Variants in TNS1 observed in about 807,000 individuals in gnomAD.
TNS1 encodes tensin 1.
TNS1 carries 62 observed loss-of-function variants against 168.6 expected under a neutral mutation model. The ratio of observed to expected loss-of-function variants is 0.37; its 90% CI spans 0.30 to 0.45. The LOEUF (loss-of-function observed/expected upper bound fraction) is 0.45. Ranked by LOEUF, TNS1 falls within the 20% of genes least tolerant of loss-of-function variation. The pLI is 1.00. For missense variants in TNS1, 2,240 were observed against 2,339.4 expected, an observed-to-expected ratio of 0.96 and a Z score of 0.88; for synonymous variants, 934 against 933.2, an observed-to-expected ratio of 1.00 and a Z score of -0.02.
intron 7 of TNS1, among the ~76,000 whole-genome samples, chr2:217,900,212 G>A (rs1254962139): frequency 6.6e-6 from 1 of 152,202 alleles, no homozygotes; most frequent in African/African-American, 2.4e-5. Context: ...TTGCGGGGTT[G>A]TTGCAAGGAC....
intron 3 of TNS1, among the ~76,000 whole-genome samples, chr2:217,970,864 G>T (rs1315261064): frequency 6.6e-6 from 1 of 151,954 alleles, no homozygotes; most frequent in Non-Finnish European, 1.5e-5. Context: ...CTTTAAATGG[G>T]CGTATTGTGT....
intron 32 of TNS1, among the ~76,000 whole-genome samples, chr2:217,805,616 C>T: frequency 7.0e-5 from 1 of 14,278 alleles, no homozygotes; most frequent in Non-Finnish European, 1.3e-4. Context: ...ACACACCACA[C>T]ACATACACAC....
intron 6 of TNS1, among the ~76,000 whole-genome samples, chr2:217,904,245 C>T (rs993947293): frequency 6.6e-6 from 1 of 152,244 alleles, no homozygotes; most frequent in East Asian, 1.9e-4. Context: ...TATCCACAAA[C>T]TCCACTACAC....
chr2:217,901,194 G>A (rs1004619440), intron 6 of TNS1, among the ~76,000 whole-genome samples: 3 of 152,140 alleles, frequency 2.0e-5, no homozygotes, highest in African/African-American at 4.8e-5. Flanking sequence ...ATGGCATGGC[G>A]GGTGTGAAAG....
In TNS1 at chr2:217,817,733, G is replaced by C. The variant is rs1481141873; in HGVS notation, c.4599C>G (p.Ser1533=). The change falls in exon 24 of 33, where the codon TCC becomes TCG. Residue 1533 remains serine (S), a synonymous_variant. Transcript: ENST00000682258. Reference sequence around the variant, plus strand: ...AGAAGTCGGGCAGAGTGTGGGAGAAGGAGACGGTGCTGCCCCCACTGGGAC... The same window carrying C: ...AGAAGTCGGGCAGAGTGTGGGAGAACGAGACGGTGCTGCCCCCACTGGGAC... ...MSSPSGGSTV[S]FSHTLPDFSK... 1 of 1,608,668 alleles carries C rather than the reference G, an allele frequency of 6.2e-7. No individual in the cohort carries two copies. The highest frequency in any genetic ancestry group is 8.5e-7 in the Non-Finnish European group (1 of 1,175,710).
Position 217,813,938 on chromosome 2 carries a change from G to T in TNS1, c.4730-122C>A. The T allele has an allele frequency of 1.6e-6, 2 of 1,276,672 alleles. No individual in the cohort carries two copies. Among genetic ancestry groups the T allele is most frequent in the Non-Finnish European group, 2.1e-6 (2 of 973,246 alleles). 79.1% of individuals were successfully genotyped at this position (1,276,672 alleles called of 1,614,324 possible). A position where few individuals can be genotyped will look rare whatever the true frequency, so the allele number is the denominator to read the frequency against. On this transcript the variant is annotated intron_variant, in intron 25 of 32. Transcript: ENST00000682258. The surrounding 1 kb of genome is among the most constrained non-coding windows in gnomAD (Gnocchi z 4.0). ...TTAGGTGAGACAAATTTTCTTTAAA[G>T]TTAAAATTTAACTACTCCTACGGGT...
At chr2:217,903,737 G>T in intron 6 of TNS1, 1 of 808,786 alleles carries the variant, frequency 1.2e-6, no homozygotes, top group Non-Finnish European at 2.0e-6. Flanking sequence ...TCCTGCTGCA[G>T]ATTCAGCCAA....
At chr2:217,884,975 A>T in intron 16 of TNS1, 60 bp downstream of exon 16, 1 of 1,606,796 alleles carries the variant, frequency 6.2e-7, no homozygotes, top group South Asian at 1.1e-5. Flanking sequence ...TATCGTCTCA[A>T]ACTGAGCTCC....
chr2:218,013,356 G>C (rs1190755627), upstream of TNS1, among the ~76,000 whole-genome samples: 1 of 152,112 alleles, frequency 6.6e-6, no homozygotes, highest in Non-Finnish European at 1.5e-5. Flanking sequence ...CCCCACAGTG[G>C]ACCAGACACA....
At chr2:217,866,709 G>T (rs1332847533) in intron 18 of TNS1, among the ~76,000 whole-genome samples, 1 of 152,268 alleles carries the variant, frequency 6.6e-6, no homozygotes, top group East Asian at 1.9e-4. Flanking sequence ...CTCCACTGGG[G>T]CTGGCAGAGG....
chr2:217,885,597 G>A lies in TNS1; in HGVS notation c.1116+147C>T, dbSNP rs2125674304. The A allele has an allele frequency of 8.1e-6, 6 of 741,786 alleles. No individual in the cohort carries two copies. In the South Asian group the frequency reaches 8.8e-5, roughly 11 times the overall value. The allele number at this position is 741,786 out of a possible 1,614,324, so 46.0% of individuals were successfully genotyped here. ...GACACAGACTGTGTGAGACTGGAAG[G>A]TCTTCCAAGAGCCCTGAGAGCCTAT... On this transcript the variant is annotated intron_variant, in intron 15 of 32. Coordinates refer to ENST00000682258, the MANE Select transcript of TNS1 (RefSeq NM_001387777.1).
chr2:218,021,799 C>G (rs1480214897), intron 1 of TNS1, among the ~76,000 whole-genome samples: 1 of 152,180 alleles, frequency 6.6e-6, no homozygotes, highest in Non-Finnish European at 1.5e-5. Flanking sequence ...CTGTCTCTGC[C>G]CCAGACTGCC....
chr2:217,945,774 C>A (rs1046632300), intron 3 of TNS1, among the ~76,000 whole-genome samples: 1 of 152,154 alleles, frequency 6.6e-6, no homozygotes, highest in African/African-American at 2.4e-5. Flanking sequence ...GCAAAGGTGA[C>A]CCCAACAACA....
chr2:217,957,377 C>T (rs985015394), intron 3 of TNS1, among the ~76,000 whole-genome samples: 5 of 152,208 alleles, frequency 3.3e-5, no homozygotes, highest in African/African-American at 1.2e-4. Flanking sequence ...CCAGAGCCCC[C>T]TCTCCTTCCT....
chr2:217,864,711 A>G (rs897997055), intron 18 of TNS1, among the ~76,000 whole-genome samples: 3 of 152,238 alleles, frequency 2.0e-5, no homozygotes, highest in Admixed American at 6.5e-5. Context: ...AGCTCAAAGC[A>G]TTTCTGGAAA....
intron 3 of TNS1, among the ~76,000 whole-genome samples, chr2:217,951,186 T>G (rs1957231543): frequency 6.6e-6 from 1 of 152,196 alleles, no homozygotes; most frequent in South Asian, 2.1e-4. Context: ...CATCTGAAGC[T>G]GTGTAACCTC....
chr2:217,877,681 G>A (rs570751102), intron 18 of TNS1, among the ~76,000 whole-genome samples: 1 of 152,344 alleles, frequency 6.6e-6, no homozygotes, highest in East Asian at 1.9e-4. Context: ...GGGTTGGGGG[G>A]CTGCAGGCAG....
At chr2:217,888,214 C>G (rs1395120299) in intron 12 of TNS1, among the ~76,000 whole-genome samples, 1 of 152,166 alleles carries the variant, frequency 6.6e-6, no homozygotes, top group Non-Finnish European at 1.5e-5. Context: ...TGTCTGTGTT[C>G]GAGGGACAAT....
intron 18 of TNS1, 49 bp from the exon 19 acceptor site, chr2:217,849,136 G>C: frequency 6.4e-7 from 1 of 1,563,006 alleles, no homozygotes; most frequent in Non-Finnish European, 8.7e-7. Flanking sequence ...AGACATTAGC[G>C]GGAGGCAGGG....
Sources: gnomAD v4.1 joint callset for allele counts (sites outside exome capture counted in the v4.1 genomes callset) on GRCh38, gnomAD v4.1.1 for gene constraint, Gnocchi (gnomAD v3.1) non-coding constraint, MANE v1.5 for transcripts, NCBI Gene and HGNC (gene_info 2026-07-23, HGNC 2026-07-21) for gene names.